SGCZ: variants seen among roughly 807,000 people sequenced by gnomAD.
SGCZ encodes the protein sarcoglycan zeta.
In SGCZ, 40 loss-of-function variants were observed where a neutral mutation model predicts 41.3. The ratio of observed to expected loss-of-function variants is 0.97; its 90% confidence interval spans 0.75 to 1.26. The LOEUF (loss-of-function observed/expected upper bound fraction) is 1.26, where lower values mean the gene tolerates loss of function less well. SGCZ is among the 50% of genes most tolerant of loss of function. The pLI is 0.00. For synonymous variants in SGCZ, 206 were observed against 137.5 expected, an observed-to-expected ratio of 1.50 and a Z score of -3.49; for missense variants, 552 against 369.8, an observed-to-expected ratio of 1.49 and a Z score of -4.04.
chr8:15,070,097 G>C (rs549438960), intron 1 of SGCZ, among the ~76,000 whole-genome samples: 1 of 152,122 alleles, frequency 6.6e-6, no homozygotes, highest in African/African-American at 2.4e-5. Context: ...TCCTTCTTGT[G>C]CTACATGTCA....
rs1397938324 is a variant in SGCZ, at chr8:14,325,745, CACATATATATATAT to C, written c.235-1555_235-1542del. 5.5e-3 allele frequency among the ~76,000 whole-genome samples: 141 copies of C among 25,476 alleles called. 1 individual carries two copies. Among genetic ancestry groups the C allele is most frequent in the African/African-American group, 0.01 (128 of 12,282 alleles). 16.7% of individuals were successfully genotyped at this position (25,476 alleles called of 152,430 possible). The stretch of plus-strand genomic sequence containing the variant: ...ACACACACACACACACACACACACA[CACATATATATATAT>C]ATATATATATATATATATATATATA... On this transcript the variant is annotated intron_variant, in intron 2 of 7. Coordinates refer to ENST00000382080, the MANE Select transcript of SGCZ (RefSeq NM_139167.4).
At chr8:14,633,551 A>G (rs192366615) in intron 1 of SGCZ, among the ~76,000 whole-genome samples, 2 of 152,068 alleles carry the variant, frequency 1.3e-5, no homozygotes, top group East Asian at 3.9e-4. Context: ...AAAAGTTGGC[A>G]AATAATTACA....
intron 7 of SGCZ, among the ~76,000 whole-genome samples, chr8:14,099,953 ATTTCATCCATC>A: frequency 6.6e-6 from 1 of 152,058 alleles, no homozygotes; most frequent in East Asian, 1.9e-4. Flanking sequence ...TTCATCCATC[ATTTCATCCATC>A]ATTTTAGATA....
At chr8:14,749,242 G>A (rs1585229288) in intron 1 of SGCZ, among the ~76,000 whole-genome samples, 1 of 152,196 alleles carries the variant, frequency 6.6e-6, no homozygotes, top group Middle Eastern at 3.4e-3. Context: ...GACTGGTGAT[G>A]TTTGGACCAA....
intron 1 of SGCZ, among the ~76,000 whole-genome samples, chr8:14,691,417 A>T (rs1421839075): frequency 2.0e-5 from 3 of 152,130 alleles, no homozygotes; most frequent in Non-Finnish European, 4.4e-5. Flanking sequence ...TAAATGAGGG[A>T]AAGAAAGAAA....
intron 5 of SGCZ, among the ~76,000 whole-genome samples, chr8:14,112,289 G>T (rs4517121): frequency 1.2e-4 from 18 of 148,174 alleles, no homozygotes; most frequent in Admixed American, 4.1e-4. Context: ...TTTGTGGGGG[G>T]GGGGTGCAAA....
At chr8:14,585,486 T>C (rs2117270176) in intron 1 of SGCZ, among the ~76,000 whole-genome samples, 1 of 152,292 alleles carries the variant, frequency 6.6e-6, no homozygotes, top group East Asian at 1.9e-4. Flanking sequence ...TCCCATATTA[T>C]GAATATGGTA....
At chr8:14,230,589 T>C (rs747586375) in intron 4 of SGCZ, among the ~76,000 whole-genome samples, 17 of 152,108 alleles carry the variant, frequency 1.1e-4, no homozygotes, top group African/African-American at 3.1e-4. Context: ...AAATAGTTTC[T>C]GAAGATATCA....
chr8:14,431,640 G>A (rs1442625391), intron 2 of SGCZ, among the ~76,000 whole-genome samples: 3 of 152,146 alleles, frequency 2.0e-5, no homozygotes, highest in Admixed American at 1.3e-4. Context: ...GGAATTTCAT[G>A]ACAAAGAACC....
intron 1 of SGCZ, among the ~76,000 whole-genome samples, chr8:14,699,964 G>A (rs919281115): frequency 3.9e-5 from 6 of 152,076 alleles, no homozygotes; most frequent in Admixed American, 3.9e-4. Flanking sequence ...GCAGATGTTG[G>A]CGAGGTTGCA....
chr8:14,859,791 G>A (rs1803658689), intron 1 of SGCZ, among the ~76,000 whole-genome samples: 1 of 152,136 alleles, frequency 6.6e-6, no homozygotes, highest in South Asian at 2.1e-4. Flanking sequence ...AAAAGGAAAT[G>A]ATATTGGAAT....
intron 5 of SGCZ, among the ~76,000 whole-genome samples, chr8:14,124,489 A>G (rs1468470427): frequency 6.6e-6 from 1 of 152,208 alleles, no homozygotes; most frequent in East Asian, 1.9e-4. Context: ...ATTAATATAC[A>G]GTTGACTTAA....
chr8:15,179,722 A>G (rs530441799), intron 1 of SGCZ, among the ~76,000 whole-genome samples: 7 of 152,212 alleles, frequency 4.6e-5, no homozygotes, highest in Non-Finnish European at 1.0e-4. Context: ...CCTCCTCAAA[A>G]AAGTAATTCT....
chr8:14,514,272 G>T (rs574010116), intron 2 of SGCZ, among the ~76,000 whole-genome samples: 1 of 152,040 alleles, frequency 6.6e-6, no homozygotes, highest in Admixed American at 6.6e-5. Flanking sequence ...TCTTCAAATG[G>T]AGAGGTAAAT....
chr8:15,099,329 C>T (rs945196220), intron 1 of SGCZ, among the ~76,000 whole-genome samples: 3 of 152,184 alleles, frequency 2.0e-5, no homozygotes, highest in Non-Finnish European at 4.4e-5. Flanking sequence ...GCCATCACAA[C>T]TGATCCCCCA....
At chr8:14,446,377 A>T (rs1800432600) in intron 2 of SGCZ, among the ~76,000 whole-genome samples, 1 of 152,002 alleles carries the variant, frequency 6.6e-6, no homozygotes, top group Admixed American at 6.6e-5. Flanking sequence ...TTTCTAATAA[A>T]CTCCCAATCT....
At chr8:15,123,081 C>A (rs1477442657) in intron 1 of SGCZ, among the ~76,000 whole-genome samples, 1 of 152,126 alleles carries the variant, frequency 6.6e-6, no homozygotes, top group Non-Finnish European at 1.5e-5. Context: ...ACTAGAAAAT[C>A]CCATTTTGTG....
intron 1 of SGCZ, among the ~76,000 whole-genome samples, chr8:14,849,129 A>T (rs534605811): frequency 6.6e-6 from 1 of 152,294 alleles, no homozygotes; most frequent in Non-Finnish European, 1.5e-5. Flanking sequence ...ACAATTAGGT[A>T]CAACTCACAT....
intron 3 of SGCZ, among the ~76,000 whole-genome samples, chr8:14,308,775 A>T (rs1368452105): frequency 3.3e-5 from 5 of 152,122 alleles, no homozygotes; most frequent in Admixed American, 3.3e-4. Flanking sequence ...TTTGTAACAC[A>T]CTATTTCTCA....
Sources: gnomAD v4.1 joint callset for allele counts (sites outside exome capture counted in the v4.1 genomes callset) on GRCh38, gnomAD v4.1.1 for gene constraint, MANE v1.5 for transcripts, NCBI Gene and HGNC (gene_info 2026-07-23, HGNC 2026-07-21) for gene names.